The following KIAA1217 variants were observed in gnomAD, a reference collection of about 807,000 sequenced individuals.
KIAA1217 encodes the protein KIAA1217.
A neutral mutation model predicts 163.9 loss-of-function variants in KIAA1217; 88 were observed. The observed-to-expected ratio is 0.54, with a 90% CI of 0.45 to 0.64. The LOEUF is 0.64. Among genes scored for constraint, KIAA1217 ranks in the 30% least tolerant of loss-of-function variants. The probability of loss-of-function intolerance (pLI) is 0.00; values close to 1 mark genes in which losing one functional copy is unlikely to be tolerated. For synonymous variants in KIAA1217, 903 were observed against 923.1 expected (o/e 0.98, Z 0.39); for missense variants, 2,372 against 2,475.0 (o/e 0.96, Z 0.88).
At chr10:23,987,376 CAAA>C (rs34281134) in intron 1 of KIAA1217, among the ~76,000 whole-genome samples, 3 of 93,576 alleles carry the variant, frequency 3.2e-5, no homozygotes, top group Non-Finnish European at 2.1e-5. Context: ...GACTCCATCT[CAAA>C]AAAAAAAAAA....
intron 2 of KIAA1217, among the ~76,000 whole-genome samples, chr10:24,177,361 G>GTATA (rs58347791): frequency 0.037 from 4,733 of 129,172 alleles, 130 homozygotes; most frequent in African/African-American, 0.082. Flanking sequence ...TATCATATGT[G>GTATA]TATATATATA....
chr10:24,481,031 G>C (rs937113835), intron 6 of KIAA1217: 1 of 152,128 alleles, frequency 6.6e-6, no homozygotes, highest in South Asian at 2.1e-4. Context: ...GAAATCATTA[G>C]GTTATCTGTT....
At chr10:23,717,275 T>G (rs1240039833) in intron 1 of KIAA1217, among the ~76,000 whole-genome samples, 2 of 152,186 alleles carry the variant, frequency 1.3e-5, no homozygotes, top group African/African-American at 4.8e-5. Flanking sequence ...CTTTTAGATT[T>G]TTTTTTTGCT....
chr10:24,075,311 A>C (rs1410537157), intron 2 of KIAA1217, among the ~76,000 whole-genome samples: 1 of 152,134 alleles, frequency 6.6e-6, no homozygotes, highest in Non-Finnish European at 1.5e-5. Flanking sequence ...CCTTGTATGA[A>C]TGAATTTTAC....
intron 1 of KIAA1217, among the ~76,000 whole-genome samples, chr10:23,772,276 T>G (rs374087550): frequency 1.3e-5 from 2 of 152,286 alleles, no homozygotes; most frequent in East Asian, 3.9e-4. Flanking sequence ...TTATAAAAAT[T>G]TTTATGCATT....
chr10:24,088,128 T>C (rs2061769111), intron 2 of KIAA1217, among the ~76,000 whole-genome samples: 1 of 122,978 alleles, frequency 8.1e-6, no homozygotes, highest in African/African-American at 2.5e-5. Flanking sequence ...TAATGAGTTC[T>C]TTTTTCATGC....
At chr10:24,116,591 A>G (rs1000215485) in intron 2 of KIAA1217, among the ~76,000 whole-genome samples, 1 of 152,168 alleles carries the variant, frequency 6.6e-6, no homozygotes, top group Non-Finnish European at 1.5e-5. Flanking sequence ...AATTTGGCCC[A>G]TGGGCCATAG....
rs535189211 is a variant in KIAA1217, at chr10:23,788,800, A to G, written c.-321+93566A>G. Among the ~76,000 whole-genome samples the G allele has an allele frequency of 2.6e-5, 4 of 152,310 alleles. No homozygotes were observed. In the East Asian group the frequency reaches 7.8e-4, roughly 30 times the overall value. ...GGGGAGAAGCCAACAAGGACATAAC[A>G]CAAAACACTCACGTTATACTCTTTC... On this transcript the variant is annotated intron_variant, in intron 1 of 18. Transcript: ENST00000376462.
rs12571850 is a variant in KIAA1217 at position 24,337,993 on chromosome 10, C to G, written c.355-42876C>G. 4.2e-4 allele frequency among the ~76,000 whole-genome samples: 64 copies of G among 152,272 alleles called. No homozygotes were observed. The East Asian group carries it at 0.01, about 24-fold the overall frequency. On this transcript the variant is annotated intron_variant, in intron 2 of 20. Transcript: ENST00000376454. ...CTCCTAGTCATTTTGCCAGTTTCAG[C>G]AGTACATGGGACATTGTAATCTCTC...
intron 1 of KIAA1217, among the ~76,000 whole-genome samples, chr10:23,949,425 C>A (rs1219818769): frequency 6.6e-6 from 1 of 152,136 alleles, no homozygotes; most frequent in African/African-American, 2.4e-5. Flanking sequence ...TGTAGAAATA[C>A]ACACGACTGT....
intron 2 of KIAA1217, among the ~76,000 whole-genome samples, chr10:24,110,583 A>T: frequency 6.8e-6 from 1 of 146,466 alleles, no homozygotes; most frequent in Non-Finnish European, 1.5e-5. Flanking sequence ...CCTGGCCTTG[A>T]TTCCTTCTGT....
intron 1 of KIAA1217, among the ~76,000 whole-genome samples, chr10:24,213,706 A>G (rs1407003512): frequency 6.6e-6 from 1 of 152,162 alleles, no homozygotes; most frequent in East Asian, 1.9e-4. Flanking sequence ...GAATGAATCA[A>G]TCAGTGCTTG....
Position 23,813,125 on chromosome 10 carries a change from G to A in KIAA1217, c.-321+117891G>A, listed in dbSNP as rs180866259. Among the ~76,000 whole-genome samples the A allele has an allele frequency of 3.9e-3, 589 of 152,236 alleles. 3 individuals are homozygous for A. Among genetic ancestry groups the A allele is most frequent in the Admixed American group, 0.014 (217 of 15,278 alleles). ...GTTATTATCTGACTTTTTGATGATA[G>A]CATCCTAGTGTGTGTTAAGTGCTAT... On this transcript the variant is annotated intron_variant, in intron 1 of 18. Transcript: ENST00000376462.
In KIAA1217 at chr10:24,533,211, G is replaced by A; in HGVS notation, c.3388G>A (p.Gly1130Arg). Residue 1130 changes from glycine to arginine, a missense_variant, in exon 16 of 21, where the codon GGA (glycine) becomes AGA (arginine). Physicochemically the swap from Gly to Arg is moderately radical, Grantham distance 125. Transcript: ENST00000376454. ...SKDEEEEEEE[G>R]DKIMAELQAF... is the part of the protein sequence containing the mutation. ...GGATGAGGAGGAAGAAGAAGAAGAAGGAGACAAAATAATGGCAGAACTCCA... is the reference window on the plus strand; with the variant it reads ...GGATGAGGAGGAAGAAGAAGAAGAAAGAGACAAAATAATGGCAGAACTCCA... 1 of 1,612,838 alleles carries A rather than the reference G, an allele frequency of 6.2e-7. No homozygotes were observed. Among genetic ancestry groups the A allele is most frequent in the South Asian group, 1.1e-5 (1 of 90,892 alleles).
chr10:23,746,223 C>A (rs1193835638), intron 1 of KIAA1217, among the ~76,000 whole-genome samples: 3 of 152,122 alleles, frequency 2.0e-5, no homozygotes, highest in Admixed American at 6.5e-5. Flanking sequence ...GCACCTCCAT[C>A]CCCTCTGTCT....
intron 2 of KIAA1217, among the ~76,000 whole-genome samples, chr10:24,247,136 T>TTTTC (rs2073908425): frequency 6.6e-6 from 1 of 151,396 alleles, no homozygotes; most frequent in Admixed American, 6.6e-5. Flanking sequence ...TTTTTTTTTT[T>TTTTC]TTCAAATGCC....
chr10:24,519,218 T>C (rs957006716), intron 10 of KIAA1217, among the ~76,000 whole-genome samples: 16 of 152,328 alleles, frequency 1.1e-4, no homozygotes, highest in East Asian at 5.8e-4. Flanking sequence ...GAAAGTTCTT[T>C]ATCCCTGTTT....
chr10:24,544,476 C>G lies in KIAA1217; in HGVS notation c.5206C>G (p.Arg1736Gly), dbSNP rs542316251. 6 of 1,608,088 alleles carry G rather than the reference C, an allele frequency of 3.7e-6. No homozygotes were observed. The highest frequency in any genetic ancestry group is 8.5e-7 in the Non-Finnish European group (1 of 1,176,570). The part of the protein sequence containing the change: ...EPPTSIPSAS[R>G]KGSSGAPQTS... Reference sequence around the variant, plus strand: ...CCCTACGTCGATACCTTCAGCTTCACGTAAGGTATCTTGGTCTGCTGGAAA... The same window carrying G: ...CCCTACGTCGATACCTTCAGCTTCAGGTAAGGTATCTTGGTCTGCTGGAAA... Residue 1736 changes from arginine (R) to glycine (G), a missense_variant, in exon 19 of 21, where the codon CGT becomes GGT. Around this residue, in one of 3 missense-constraint regions of KIAA1217, gnomAD observed 690 missense variants for 677.5 expected, o/e 1.02. Coordinates refer to ENST00000376454, the MANE Select transcript of KIAA1217 (RefSeq NM_019590.5).
Position 24,536,683 on chromosome 10 carries a change from G to T in KIAA1217, c.3415-91G>T. 4 of 1,402,272 alleles carry T rather than the reference G, an allele frequency of 2.9e-6. No individual in the cohort carries two copies. The Admixed American group carries it at 7.4e-5, about 26-fold the overall frequency. 86.9% of individuals were successfully genotyped at this position (1,402,272 alleles called of 1,614,324 possible). Reference sequence around the variant, plus strand: ...ACCTGCGTGCAGGACCCGGGTTGGGGTCCACAAGCGTCTGGTTGTTCCTGC... The same window carrying T: ...ACCTGCGTGCAGGACCCGGGTTGGGTTCCACAAGCGTCTGGTTGTTCCTGC... On this transcript the variant is annotated intron_variant, in intron 16 of 20. Coordinates refer to ENST00000376454, the MANE Select transcript of KIAA1217 (RefSeq NM_019590.5).
Sources: gnomAD v4.1 joint callset for allele counts (sites outside exome capture counted in the v4.1 genomes callset) on GRCh38, gnomAD v4.1.1 for gene constraint, gnomAD v4.1.1 regional missense constraint, MANE v1.5 for transcripts, NCBI Gene and HGNC (gene_info 2026-07-23, HGNC 2026-07-21) for gene names.